Variants in EPN2 observed in about 807,000 individuals in gnomAD.
EPN2 encodes the protein epsin 2.
Under a neutral mutation model 61.7 loss-of-function variants are expected in EPN2, and 34 were observed. The ratio of observed to expected loss-of-function variants is 0.55; its 90% confidence interval spans 0.42 to 0.73. The LOEUF (loss-of-function observed/expected upper bound fraction) is 0.73, where lower values mean the gene tolerates loss of function less well. Ranked by LOEUF, EPN2 falls within the 30% of genes least tolerant of loss-of-function variation. The pLI is 0.00. For missense variants in EPN2, 714 were observed against 839.2 expected (o/e 0.85, Z 1.84); for synonymous variants, 349 against 353.6 (o/e 0.99, Z 0.15).
intron 1 of EPN2, among the ~76,000 whole-genome samples, chr17:19,250,769 G>A (rs1309315342): frequency 6.6e-6 from 1 of 152,136 alleles, no homozygotes; most frequent in Non-Finnish European, 1.5e-5. Context: ...ACAGAGTCCA[G>A]TCAGGGCAGA....
chr17:19,264,143 G>C (rs931738039), intron 1 of EPN2, among the ~76,000 whole-genome samples: 3 of 152,188 alleles, frequency 2.0e-5, no homozygotes, highest in South Asian at 4.1e-4. Context: ...TGAACAAAAA[G>C]CATTTGGCCA....
At chr17:19,294,035 A>G (rs1219963544) in intron 4 of EPN2, among the ~76,000 whole-genome samples, 2 of 151,786 alleles carry the variant, frequency 1.3e-5, no homozygotes, top group African/African-American at 2.4e-5. Context: ...GGTTGCAGTG[A>G]GCTGAGATCG....
intron 7 of EPN2, among the ~76,000 whole-genome samples, chr17:19,323,973 T>C (rs1231940660): frequency 1.3e-5 from 2 of 152,196 alleles, no homozygotes; most frequent in East Asian, 3.8e-4. Flanking sequence ...ATGAAGAGCA[T>C]CGGAAATGGG....
intron 1 of EPN2, among the ~76,000 whole-genome samples, chr17:19,281,751 A>G (rs1275485739): frequency 6.6e-6 from 1 of 152,086 alleles, no homozygotes; most frequent in Admixed American, 6.5e-5. Flanking sequence ...TGGACAGCCA[A>G]GCAGGTGGTC....
intron 4 of EPN2, chr17:19,308,160 G>T (rs1905941558): frequency 9.6e-6 from 5 of 523,284 alleles, no homozygotes; most frequent in Non-Finnish European, 1.2e-5. Context: ...TGCAACCTCT[G>T]CCTTCTGTGT....
At chr17:19,319,636 T>A (rs1270514821) in intron 7 of EPN2, among the ~76,000 whole-genome samples, 7 of 151,288 alleles carry the variant, frequency 4.6e-5, no homozygotes, top group South Asian at 2.1e-4. Context: ...TGGCCCCTTT[T>A]TTTTTTATTT....
intron 1 of EPN2, among the ~76,000 whole-genome samples, chr17:19,276,954 G>A (rs2045313350): frequency 6.6e-6 from 1 of 151,966 alleles, no homozygotes; most frequent in African/African-American, 2.4e-5. Context: ...GAGCCCAGAA[G>A]GTAACAAATG....
chr17:19,291,123 T>G (rs535834815), intron 4 of EPN2, among the ~76,000 whole-genome samples: 1 of 152,248 alleles, frequency 6.6e-6, no homozygotes, highest in East Asian at 1.9e-4. Context: ...CAGAAGAAAT[T>G]GGGGCAAAAG....
In EPN2 at chr17:19,313,135, T is replaced by C; in HGVS notation, c.1003T>C (p.Leu335=). Residue 335 remains leucine (L), a synonymous_variant, in exon 7 of 11, where the codon TTG becomes CTG. Coordinates refer to ENST00000314728, the MANE Select transcript of EPN2 (RefSeq NM_014964.5). ...CTCTCTCCCACAGCAGACTACGCTG[T>C]TGGATTTAATGGATGCTCTCCCCAG... ...HGSLPQQTTL[L]DLMDALPSSG... The C allele has an allele frequency of 6.2e-7, 1 of 1,613,898 alleles. No individual in the cohort carries two copies. The highest frequency in any genetic ancestry group is 8.5e-7 in the Non-Finnish European group (1 of 1,179,874).
chr17:19,239,257 C>G (rs765630711), intron 1 of EPN2, among the ~76,000 whole-genome samples: 1 of 152,264 alleles, frequency 6.6e-6, no homozygotes, highest in African/African-American at 2.4e-5. Context: ...AAGCGATTCT[C>G]CTGCCTCAGC....
At chr17:19,241,479 G>T (rs964015812) in intron 1 of EPN2, among the ~76,000 whole-genome samples, 1 of 151,740 alleles carries the variant, frequency 6.6e-6, no homozygotes, top group South Asian at 2.1e-4. Flanking sequence ...CCAGCTACTC[G>T]GGAGGCTGAG....
intron 1 of EPN2, among the ~76,000 whole-genome samples, chr17:19,246,348 T>C (rs1407683344): frequency 1.3e-5 from 2 of 152,126 alleles, no homozygotes; most frequent in African/African-American, 4.8e-5. Flanking sequence ...AGAGCGAGAC[T>C]GTCTCAAAAT....
At chr17:19,304,656 C>T (rs1905734133) in intron 4 of EPN2, among the ~76,000 whole-genome samples, 1 of 152,190 alleles carries the variant, frequency 6.6e-6, no homozygotes, top group African/African-American at 2.4e-5. Flanking sequence ...ACTCCTGACC[C>T]CTTGGTAGGT....
chr17:19,277,584 G>A (rs2045320148), intron 1 of EPN2, among the ~76,000 whole-genome samples: 2 of 152,120 alleles, frequency 1.3e-5, no homozygotes, highest in South Asian at 2.1e-4. Flanking sequence ...GGGACCTGAG[G>A]TGTACAAGGT....
At position 19,335,478 on chromosome 17, in the gene EPN2, T is replaced by C; in HGVS notation, c.*1224T>C. On this transcript the variant is annotated 3_prime_UTR_variant, in exon 11 of 11. Coordinates refer to ENST00000314728, the MANE Select transcript of EPN2 (RefSeq NM_014964.5). ...GAAGAAACATCTTTAACCTTGTGTG[T>C]CTGTGATCTCCTCTGTCTTAATCCA... The C allele has an allele frequency of 6.5e-7, 1 of 1,549,336 alleles. No homozygotes were observed. The highest frequency in any genetic ancestry group is 1.2e-5 in the South Asian group (1 of 83,936).
chr17:19,266,177 G>A (rs902398593), intron 1 of EPN2, among the ~76,000 whole-genome samples: 3 of 152,146 alleles, frequency 2.0e-5, no homozygotes, highest in African/African-American at 7.2e-5. Flanking sequence ...TAGTAGCTTT[G>A]CCTTCCCCAG....
At chr17:19,323,972 A>G (rs1906755342) in intron 7 of EPN2, among the ~76,000 whole-genome samples, 1 of 152,240 alleles carries the variant, frequency 6.6e-6, no homozygotes. Flanking sequence ...AATGAAGAGC[A>G]TCGGAAATGG....
At chr17:19,258,716 C>A (rs1036725013) in intron 1 of EPN2, among the ~76,000 whole-genome samples, 2 of 152,130 alleles carry the variant, frequency 1.3e-5, no homozygotes, top group Non-Finnish European at 2.9e-5. Flanking sequence ...CCCTTGGCGT[C>A]GATGCTGCGT....
intron 4 of EPN2, chr17:19,296,886 G>A (rs2045525478): frequency 6.6e-6 from 1 of 152,314 alleles, no homozygotes; most frequent in African/African-American, 2.4e-5. Context: ...TGGGGTTACG[G>A]GACTGAGCCA....
Sources: allele counts gnomAD v4.1 joint callset (sites outside exome capture counted in the v4.1 genomes callset), GRCh38; gene constraint gnomAD v4.1.1; transcripts MANE v1.5; gene names NCBI Gene and HGNC (gene_info 2026-07-23, HGNC 2026-07-21).